Variants in NOP56 observed in about 807,000 individuals in gnomAD.
NOP56 encodes the protein NOP56 ribonucleoprotein, also known as nucleolar protein 56.
NOP56 carries 31 observed loss-of-function variants against 58.3 expected under a neutral mutation model. That is an observed-to-expected ratio of 0.53 (90% CI 0.40 to 0.72). The LOEUF (loss-of-function observed/expected upper bound fraction) is 0.72, where lower values mean the gene tolerates loss of function less well. NOP56 is among the 30% of genes least tolerant of loss of function. The pLI is 0.00. For synonymous variants in NOP56, 313 were observed against 282.8 expected, an observed-to-expected ratio of 1.11 and a Z score of -1.07; for missense variants, 669 against 739.9, an observed-to-expected ratio of 0.90 and a Z score of 1.11.
At chr20:2,657,298 G>T in intron 11 of NOP56, 80 bp downstream of exon 11, 1 of 1,598,372 alleles carries the variant, frequency 6.3e-7, no homozygotes, top group Non-Finnish European at 8.6e-7. Context: ...GCTGCATCAA[G>T]CTGTGGTCTT....
At chr20:2,653,731 A>C (rs2086780790) in intron 3 of NOP56, 1 of 252,850 alleles carries the variant, frequency 4.0e-6, no homozygotes, top group Non-Finnish European at 7.9e-6. Context: ...GGCTCACTGC[A>C]ACCTCTGCCT....
chr20:2,654,782 G>A lies in NOP56; in HGVS notation c.404G>A (p.Gly135Asp). 4 of 1,614,112 alleles carry A rather than the reference G, an allele frequency of 2.5e-6. 1 individual carries two copies. Among genetic ancestry groups the A allele is most frequent in the South Asian group, 2.2e-5 (2 of 91,092 alleles). ...VRLHFHNLVKGLTDLSACKAQ... is the reference protein window; with the variant it reads ...VRLHFHNLVKDLTDLSACKAQ... ...CTGCACTTCCACAATCTGGTGAAGG[G>A]TCTGACCGATCTGTCAGCTTGTAAA... Residue 135 changes from glycine to aspartate, a missense_variant, in exon 5 of 12, where the codon GGT becomes GAT. This residue lies in a region of NOP56 where 339 missense variants were observed against 430.5 expected (regional missense o/e 0.79). Coordinates refer to ENST00000329276, the MANE Select transcript of NOP56 (RefSeq NM_006392.4).
At chr20:2,652,721 G>C (rs945888837) in intron 1 of NOP56, 58 bp downstream of exon 1, 2 of 1,503,364 alleles carry the variant, frequency 1.3e-6, no homozygotes, top group Non-Finnish European at 1.8e-6. Context: ...GCCTGCGTTC[G>C]GGCCGCAGAC....
Position 2,658,118 on chromosome 20 carries a change from T to C in NOP56, c.1609T>C (p.Ser537Pro). ...CACCAGTATTCCCAAGAGGAAGAAG[T>C]CTACACCCAAGGAGGAAACAGTTAA... Reference protein sequence around the residue: ...GSTSIPKRKKSTPKEETVNDP... With the variant: ...GSTSIPKRKKPTPKEETVNDP... Residue 537 changes from serine (S) to proline (P), a missense_variant, in exon 12 of 12, where the codon TCT (serine) becomes CCT (proline). Coordinates refer to ENST00000329276, the MANE Select transcript of NOP56 (RefSeq NM_006392.4). 6.2e-7 allele frequency: 1 copy of C among 1,613,926 alleles called. No homozygotes were observed. Among genetic ancestry groups the C allele is most frequent in the Non-Finnish European group, 8.5e-7 (1 of 1,179,972 alleles).
chr20:2,656,205 A>G, intron 8 of NOP56, 171 bp downstream of exon 8: 1 of 1,605,596 alleles, frequency 6.2e-7, no homozygotes. Flanking sequence ...CAAAGGGACC[A>G]AGTTTCCAGG....
At chr20:2,656,111 C>T in intron 8 of NOP56, 77 bp downstream of exon 8, 1 of 1,613,128 alleles carries the variant, frequency 6.2e-7, no homozygotes, top group South Asian at 1.1e-5. Flanking sequence ...ACGGTGATGG[C>T]TGACCAGGGC....
chr20:2,654,790 G>C lies in NOP56; in HGVS notation c.412G>C (p.Asp138His), dbSNP rs11553608. 1 of 1,614,142 alleles carries C rather than the reference G, an allele frequency of 6.2e-7. No individual in the cohort carries two copies. Among genetic ancestry groups the C allele is most frequent in the South Asian group, 1.1e-5 (1 of 91,086 alleles). The change falls in exon 5 of 12, where the codon GAT becomes CAT. Residue 138 changes from aspartate to histidine, a missense_variant. Transcript: ENST00000329276. Reference sequence around the variant, plus strand: ...CCACAATCTGGTGAAGGGTCTGACCGATCTGTCAGCTTGTAAAGCACAGCT... The same window carrying C: ...CCACAATCTGGTGAAGGGTCTGACCCATCTGTCAGCTTGTAAAGCACAGCT... ...HFHNLVKGLT[D>H]LSACKAQLGL...
intron 8 of NOP56, 23 bp from the exon 9 acceptor site, chr20:2,656,378 C>G (rs1362585851): frequency 1.2e-6 from 2 of 1,613,960 alleles, no homozygotes; most frequent in Admixed American, 1.7e-5. Flanking sequence ...TGATCTTAAA[C>G]TCTCCACTGA....
rs760898318 is a variant in NOP56, at chr20:2,654,839, G to A, written c.461G>A (p.Arg154His). The A allele has an allele frequency of 1.1e-5, 17 of 1,613,950 alleles. No individual in the cohort carries two copies. The highest frequency in any genetic ancestry group is 2.7e-5 in the African/African-American group (2 of 74,874). The change falls in exon 5 of 12, where the codon CGT becomes CAT. Residue 154 changes from arginine to histidine, a missense_variant. Coordinates refer to ENST00000329276, the MANE Select transcript of NOP56 (RefSeq NM_006392.4). ...CTGGGGCTGGGACACAGCTATTCCCGTGCCAAAGTTAAGTTTAATGTGAAC... is the reference window on the plus strand; with the variant it reads ...CTGGGGCTGGGACACAGCTATTCCCATGCCAAAGTTAAGTTTAATGTGAAC... ...AQLGLGHSYS[R>H]AKVKFNVNRV...
chr20:2,657,335 G>A lies in NOP56; in HGVS notation c.1419+117G>A, dbSNP rs758434699. The A allele has an allele frequency of 4.9e-6, 7 of 1,437,770 alleles. 1 individual carries two copies. The highest frequency in any genetic ancestry group is 4.6e-5 in the South Asian group (4 of 86,270). The allele number at this position is 1,437,770 out of a possible 1,614,324, so 89.1% of individuals were successfully genotyped here. ...AGTCCAGGCTTTTGGACTGAAACAA[G>A]GACCTGAAACATCTAAAACTACCTC... On this transcript the variant is annotated intron_variant, in intron 11 of 11. Coordinates refer to ENST00000329276, the MANE Select transcript of NOP56 (RefSeq NM_006392.4).
In NOP56 at chr20:2,655,737, TG is replaced by T; in HGVS notation, c.904del (p.Glu302LysfsTer3). ...TAGCCCCCAGCCTGTCAGCCCTAAT[TG>T]GGGAAGCGGTGCGTCACAGGGGACT... The part of the protein sequence containing the change: ...QVAPSLSALI[G>X]EAVGARLIAH... On this transcript the variant is annotated frameshift_variant, in exon 7 of 12. Transcript: ENST00000329276. LOFTEE classifies it high-confidence loss of function. 6.2e-7 allele frequency: 1 copy of T among 1,614,130 alleles called. No individual in the cohort carries two copies. The highest frequency in any genetic ancestry group is 8.5e-7 in the Non-Finnish European group (1 of 1,180,020).
At chr20:2,655,014 G>A (rs1189250237) in intron 5 of NOP56, 67 bp downstream of exon 5, 5 of 1,575,628 alleles carry the variant, frequency 3.2e-6, no homozygotes, top group Non-Finnish European at 3.5e-6. Flanking sequence ...TTTGAGTCTT[G>A]ATGAGGACTG....
chr20:2,655,606 T>A lies in NOP56; in HGVS notation c.769T>A (p.Ser257Thr). The change falls in exon 7 of 12, where the codon TCT becomes ACT. Residue 257 changes from serine (S) to threonine (T), a missense_variant. Transcript: ENST00000329276. ...TTGGTTTTTCCTAGGCATGGACATA[T>A]CTGCCATTGACTTGATAAACATCGA... Reference protein sequence around the residue: ...ASRSSMGMDISAIDLINIESF... With the variant: ...ASRSSMGMDITAIDLINIESF... 6.2e-7 allele frequency: 1 copy of A among 1,614,188 alleles called. No homozygotes were observed. Among genetic ancestry groups the A allele is most frequent in the Non-Finnish European group, 8.5e-7 (1 of 1,180,032 alleles).
chr20:2,655,317 C>G lies in NOP56; in HGVS notation c.570-8C>G. The stretch of plus-strand genomic sequence containing the variant: ...GCTGGGCCAGGGAGTGACTGTGGCT[C>G]TTTGCAGGGAGTGGTACGGGTATCA... On this transcript the variant is annotated splice_region_variant and splice_polypyrimidine_tract_variant and intron_variant, in intron 5 of 11. Coordinates refer to ENST00000329276, the MANE Select transcript of NOP56 (RefSeq NM_006392.4). The G allele has an allele frequency of 6.2e-7, 1 of 1,614,188 alleles. No individual in the cohort carries two copies. The highest frequency in any genetic ancestry group is 8.5e-7 in the Non-Finnish European group (1 of 1,180,032).
chr20:2,655,830 T>C lies in NOP56; in HGVS notation c.909+84T>C, dbSNP rs531873572. On this transcript the variant is annotated intron_variant, in intron 7 of 11. Transcript: ENST00000329276. The stretch of plus-strand genomic sequence containing the variant: ...CTGCTGTATTTCGTGACCCACCATG[T>C]CTTCCCTAGTTGTGCTTGATGGGGA... The C allele has an allele frequency of 2.5e-5, 40 of 1,610,416 alleles. No individual in the cohort carries two copies. In the African/African-American group the frequency reaches 5.3e-4, roughly 21 times the overall value.
Position 2,656,601 on chromosome 20 carries a change from G to C in NOP56, c.1159+52G>C, listed in dbSNP as rs373058070. ...GTGAGAAGGGGCTGGGTGGCTGGGT[G>C]GGGAGGCTTGCAACCATAGCTTCCA... On this transcript the variant is annotated intron_variant, in intron 9 of 11. Coordinates refer to ENST00000329276, the MANE Select transcript of NOP56 (RefSeq NM_006392.4). 999 of 1,610,034 alleles carry C rather than the reference G, an allele frequency of 6.2e-4. 8 individuals are homozygous for C. In the African/African-American group the frequency reaches 0.012, roughly 19 times the overall value.
chr20:2,654,835 TC>T lies in NOP56; in HGVS notation c.460del (p.Arg154ValfsTer8), dbSNP rs1300476164. On this transcript the variant is annotated frameshift_variant, in exon 5 of 12. Coordinates refer to ENST00000329276, the MANE Select transcript of NOP56 (RefSeq NM_006392.4). LOFTEE classifies it high-confidence loss of function. ...ACAGCTGGGGCTGGGACACAGCTAT[TC>T]CCGTGCCAAAGTTAAGTTTAATGTG... The part of the protein sequence containing the change: ...KAQLGLGHSY[S>X]RAKVKFNVNR... The T allele has an allele frequency of 1.9e-6, 3 of 1,614,116 alleles. No homozygotes were observed. Among genetic ancestry groups the T allele is most frequent in the Non-Finnish European group, 2.5e-6 (3 of 1,180,020 alleles).
Position 2,654,848 on chromosome 20 carries a change from T to G in NOP56, c.470T>G (p.Val157Gly). 6.2e-7 allele frequency: 1 copy of G among 1,614,076 alleles called. No homozygotes were observed. Among genetic ancestry groups the G allele is most frequent in the African/African-American group, 1.3e-5 (1 of 74,988 alleles). Residue 157 changes from valine to glycine, a missense_variant, in exon 5 of 12, where the codon GTT (valine) becomes GGT (glycine). Val to Gly is a moderately radical substitution (Grantham distance 109). Coordinates refer to ENST00000329276, the MANE Select transcript of NOP56 (RefSeq NM_006392.4). Reference protein sequence around the residue: ...GLGHSYSRAKVKFNVNRVDNM... With the variant: ...GLGHSYSRAKGKFNVNRVDNM... ...GGACACAGCTATTCCCGTGCCAAAG[T>G]TAAGTTTAATGTGAACCGGGTGGAC...
intron 10 of NOP56, 86 bp downstream of exon 10, chr20:2,656,981 G>T: frequency 6.2e-7 from 1 of 1,613,564 alleles, no homozygotes; most frequent in East Asian, 2.2e-5. Context: ...TAGAATGGAG[G>T]CAAAAAAACT....
Sources: allele counts gnomAD v4.1 joint callset, GRCh38; gene constraint gnomAD v4.1.1; regional missense constraint gnomAD v4.1.1; transcripts MANE v1.5; gene names NCBI Gene and HGNC (gene_info 2026-07-23, HGNC 2026-07-21).